The following RPUSD3 variants were observed in gnomAD, a reference collection of about 807,000 sequenced individuals.
The protein encoded by RPUSD3 is RNA pseudouridine synthase D3, also known as mitochondrial mRNA pseudouridine synthase RPUSD3.
Under a neutral mutation model 35.1 loss-of-function variants are expected in RPUSD3, and 36 were observed. The observed-to-expected ratio is 1.02, with a 90% confidence interval of 0.79 to 1.35. RPUSD3 has a LOEUF of 1.35. Ranked by LOEUF, RPUSD3 falls within the 40% of genes most tolerant of loss-of-function variation. The probability of loss-of-function intolerance (pLI) is 0.00; values close to 1 mark genes in which losing one functional copy is unlikely to be tolerated. For synonymous variants in RPUSD3, 202 were observed against 187.8 expected (o/e 1.08, Z -0.62); for missense variants, 486 against 441.9 (o/e 1.10, Z -0.89).
At position 9,838,215 on chromosome 3, in the gene RPUSD3, G is replaced by T. The variant is rs371769095; in HGVS notation, c.865-8C>A. 4.6e-5 allele frequency: 74 copies of T among 1,611,618 alleles called. No homozygotes were observed. The Admixed American group carries it at 1.1e-3, about 24-fold the overall frequency. On this transcript the variant is annotated splice_polypyrimidine_tract_variant and splice_region_variant and intron_variant, in intron 8 of 8. Coordinates refer to ENST00000383820, the Ensembl canonical transcript of RPUSD3. ...GAGGGCTTCATCCAGGACCTGGAGC[G>T]GGAGAGGTACGTTGTGTTCAGCCCC...
rs964033624 is a variant in RPUSD3, at chr3:9,843,617, G to T, written c.126-16C>A. On this transcript the variant is annotated splice_polypyrimidine_tract_variant and intron_variant, in intron 1 of 8. Coordinates refer to ENST00000383820, the Ensembl canonical transcript of RPUSD3. ...CCTCTGATGCCTGGACAAGGAGGGA[G>T]AAGCAATGGGAGTCATTCCATCCCG... 4.3e-6 allele frequency: 7 copies of T among 1,613,052 alleles called. No homozygotes were observed. Among genetic ancestry groups the T allele is most frequent in the South Asian group, 1.1e-5 (1 of 91,018 alleles).
At chr3:9,842,009 C>G (rs1426473383) in exon 4 of RPUSD3, 1 of 1,614,068 alleles carries the variant, frequency 6.2e-7, no homozygotes, top group East Asian at 2.2e-5. Context: ...CAACCTGAAG[C>G]TCCTGCTCCC....
chr3:9,843,945 G>A (rs201862733), exon 1 of RPUSD3: 3 of 1,596,696 alleles, frequency 1.9e-6, no homozygotes, highest in African/African-American at 1.3e-5. Context: ...CCCAGGCCCC[G>A]CCGCCAGCCA....
exon 7 of RPUSD3, chr3:9,840,211 C>A (rs1575428936): frequency 6.2e-7 from 1 of 1,613,790 alleles, no homozygotes; most frequent in Non-Finnish European, 8.5e-7. Context: ...TGGACCAGGG[C>A]ACAGCCAGAG....
At chr3:9,843,635 C>G in intron 1 of RPUSD3, 34 bp from the exon 2 acceptor site, 1 of 1,610,012 alleles carries the variant, frequency 6.2e-7, no homozygotes, top group Non-Finnish European at 8.5e-7. Context: ...GGGAGTCATT[C>G]CATCCCGAGG....
chr3:9,840,534 G>C, exon 6 of RPUSD3: 1 of 1,613,960 alleles, frequency 6.2e-7, no homozygotes, highest in South Asian at 1.1e-5. Flanking sequence ...GGACTCACGA[G>C]ATTGACCCCA....
rs2082064706 is a variant in RPUSD3, at chr3:9,839,081, A to C, written c.815T>G (p.Leu272Arg). The C allele has an allele frequency of 5.0e-6, 8 of 1,614,252 alleles. No individual in the cohort carries two copies. The highest frequency in any genetic ancestry group is 6.8e-6 in the Non-Finnish European group (8 of 1,180,042). The change falls in exon 8 of 9, where the codon CTG becomes CGG. Residue 272 changes from leucine to arginine, a missense_variant. By Grantham distance (102) the Leu-to-Arg change is moderately radical (BLOSUM62 -2). Transcript: ENST00000383820. Reference sequence around the variant, plus strand: ...AGCTGGCAGCAGAAATCGCTGGCCCAGGACAGTGCCCACACGGGCAGAGTA... The same window carrying C: ...AGCTGGCAGCAGAAATCGCTGGCCCCGGACAGTGCCCACACGGGCAGAGTA...
At chr3:9,840,551 T>C (rs2125024424) in exon 6 of RPUSD3, 2 of 1,614,092 alleles carry the variant, frequency 1.2e-6, no homozygotes, top group East Asian at 4.5e-5. Flanking sequence ...CCCATCAATG[T>C]GTTCCAGTTT....
In RPUSD3 at chr3:9,840,902, C is replaced by CT. The variant is rs1305434613; in HGVS notation, c.408-98dup. ...ACACTGACCTGCTTCAGGCCAAACA[C>CT]TAACACCAGGACTATAACCTAGACC... is the stretch of plus-strand genomic sequence containing the variant. On this transcript the variant is annotated intron_variant, in intron 4 of 8. Coordinates refer to ENST00000383820, the Ensembl canonical transcript of RPUSD3. The CT allele has an allele frequency of 2.6e-5, 21 of 795,974 alleles. No individual in the cohort carries two copies. The East Asian group carries it at 4.0e-4, about 15-fold the overall frequency. The allele number at this position is 795,974 out of a possible 1,614,324, so 49.3% of individuals were successfully genotyped here. A position where few individuals can be genotyped will look rare whatever the true frequency, so the allele number is the denominator to read the frequency against.
chr3:9,842,499 G>A (rs933898057), intron 2 of RPUSD3: 54 of 565,254 alleles, frequency 9.6e-5, no homozygotes, highest in Middle Eastern at 4.7e-4. Context: ...GTCACATCAC[G>A]GAGAGGTCTG....
chr3:9,843,333 T>C (rs2125027201), intron 2 of RPUSD3, 132 bp downstream of exon 2: 1 of 1,328,238 alleles, frequency 7.5e-7, no homozygotes, highest in Non-Finnish European at 1.0e-6. Flanking sequence ...GCAAATTAGG[T>C]GGCTTGTCCC....
At chr3:9,843,901 G>T (rs1342863828) in exon 1 of RPUSD3, 2 of 1,604,622 alleles carry the variant, frequency 1.2e-6, no homozygotes, top group African/African-American at 2.7e-5. Context: ...GGGCTTCGGT[G>T]CCAAAGCCTG....
Position 9,838,113 on chromosome 3 carries a change from G to A in RPUSD3, c.959C>T (p.Pro320Leu), listed in dbSNP as rs761479710. The change falls in exon 9 of 9, where the codon CCA becomes CTA. Residue 320 changes from proline (P) to leucine (L), a missense_variant. Pro to Leu is a moderately conservative substitution (Grantham distance 98). Coordinates refer to ENST00000383820, the Ensembl canonical transcript of RPUSD3. ...AGGGGTGTCCCTGGCCCTGGTGCCT[G>A]GGAGAAGGAGCCGATGTAGGTGGAG... 2.5e-6 allele frequency: 4 copies of A among 1,612,582 alleles called. No homozygotes were observed. The East Asian group carries it at 6.7e-5, about 27-fold the overall frequency.
chr3:9,843,412 C>T (rs2082130930), intron 2 of RPUSD3, 53 bp downstream of exon 2: 1 of 1,605,084 alleles, frequency 6.2e-7, no homozygotes, highest in Non-Finnish European at 8.5e-7. Context: ...CCCAACTGCA[C>T]GCCGAGGCAG....
At chr3:9,841,940 T>TG (rs769417662) in intron 4 of RPUSD3, 43 bp downstream of exon 4, 37 of 1,521,420 alleles carry the variant, frequency 2.4e-5, no homozygotes, top group Non-Finnish European at 3.4e-5. Flanking sequence ...CCACCACAGA[T>TG]GGATGCCTGT....
chr3:9,842,593 C>T lies in RPUSD3; in HGVS notation c.263-350G>A, dbSNP rs1303594818. On this transcript the variant is annotated intron_variant, in intron 2 of 8. Transcript: ENST00000383820. ...TTTAGTTTATGCATAGCACTTACCA[C>T]TAGTAACTTGTTCATTTATTTTCTG... 5.7e-5 allele frequency: 19 copies of T among 335,854 alleles called. No homozygotes were observed. In the South Asian group the frequency reaches 6.5e-4, roughly 12 times the overall value. The allele number at this position is 335,854 out of a possible 1,614,324, so 20.8% of individuals were successfully genotyped here.
chr3:9,838,960 G>A, intron 8 of RPUSD3, 72 bp downstream of exon 8: 1 of 1,606,180 alleles, frequency 6.2e-7, no homozygotes, highest in Non-Finnish European at 8.5e-7. Context: ...CACAGATAAG[G>A]TCTGGAGATG....
exon 7 of RPUSD3, chr3:9,840,307 T>G: frequency 1.2e-6 from 2 of 1,614,088 alleles, no homozygotes; most frequent in Middle Eastern, 1.6e-4. Flanking sequence ...ACTGGAACTG[T>G]CTGTGGTGCC....
At chr3:9,842,359 C>T (rs749636540) in intron 2 of RPUSD3, 116 bp from the exon 3 acceptor site, 248 of 1,006,940 alleles carry the variant, frequency 2.5e-4, no homozygotes, top group Non-Finnish European at 3.7e-4. Flanking sequence ...TCATGACTCT[C>T]AGACATGAGT....
Sources: gnomAD v4.1 joint callset for allele counts on GRCh38, gnomAD v4.1.1 for gene constraint, MANE v1.5 for transcripts, NCBI Gene and HGNC (gene_info 2026-07-23, HGNC 2026-07-21) for gene names.